LSAMP: variants seen among roughly 807,000 people sequenced by gnomAD.
LSAMP encodes limbic system associated membrane protein.
LSAMP carries 7 observed loss-of-function variants against 38.6 expected under a neutral mutation model. The ratio of observed to expected loss-of-function variants is 0.18; its 90% CI spans 0.10 to 0.34. The LOEUF (loss-of-function observed/expected upper bound fraction) is 0.34, where lower values mean the gene tolerates loss of function less well. Among genes scored for constraint, LSAMP ranks in the 10% least tolerant of loss-of-function variants. The pLI, the probability that LSAMP is intolerant of heterozygous loss-of-function variation, is 1.00. For synonymous variants in LSAMP, 154 were observed against 166.8 expected, an observed-to-expected ratio of 0.92 and a Z score of 0.59; for missense variants, 313 against 420.0, an observed-to-expected ratio of 0.75 and a Z score of 2.23.
At chr3:116,103,138 G>T (rs991059079) in intron 1 of LSAMP, among the ~76,000 whole-genome samples, 3 of 151,960 alleles carry the variant, frequency 2.0e-5, no homozygotes, top group African/African-American at 7.3e-5. Context: ...ATTAATCATT[G>T]TATTCTGTCC....
intron 3 of LSAMP, among the ~76,000 whole-genome samples, chr3:115,869,835 A>G (rs1576168275): frequency 6.6e-6 from 1 of 152,094 alleles, no homozygotes; most frequent in East Asian, 1.9e-4. Flanking sequence ...AGACATTTAT[A>G]AGGATATGTA....
intron 3 of LSAMP, among the ~76,000 whole-genome samples, chr3:115,854,287 T>A (rs1322002772): frequency 0.012 from 1,248 of 103,028 alleles, 10 homozygotes; most frequent in African/African-American, 0.028. Flanking sequence ...TTATTATTTT[T>A]TTTTTTTTTT....
At chr3:116,294,574 C>T (rs1340694414) in intron 1 of LSAMP, among the ~76,000 whole-genome samples, 1 of 152,154 alleles carries the variant, frequency 6.6e-6, no homozygotes, top group Admixed American at 6.5e-5. Context: ...AAATACTATT[C>T]ATACAAATTT....
intron 1 of LSAMP, among the ~76,000 whole-genome samples, chr3:116,401,072 C>A (rs1356396824): frequency 1.3e-5 from 2 of 152,178 alleles, no homozygotes; most frequent in Non-Finnish European, 2.9e-5. Context: ...CCTAGGTAAA[C>A]CCTGGCCTCC....
At chr3:116,247,568 T>C (rs1416962057) in intron 1 of LSAMP, among the ~76,000 whole-genome samples, 3 of 152,114 alleles carry the variant, frequency 2.0e-5, no homozygotes, top group Admixed American at 1.3e-4. Context: ...TTTGAAGAAA[T>C]TGTGGGAACA....
At chr3:116,167,931 A>G (rs1216591194) in intron 1 of LSAMP, among the ~76,000 whole-genome samples, 1 of 152,196 alleles carries the variant, frequency 6.6e-6, no homozygotes, top group African/African-American at 2.4e-5. Context: ...CAGTGAGAGT[A>G]AAGTAGCAAG....
chr3:115,832,351 T>C (rs1227103142), intron 6 of LSAMP, among the ~76,000 whole-genome samples: 2 of 152,182 alleles, frequency 1.3e-5, no homozygotes, highest in Non-Finnish European at 2.9e-5. Context: ...AACCAATCTC[T>C]AAGAGACAAT....
intron 1 of LSAMP, among the ~76,000 whole-genome samples, chr3:116,173,110 G>A (rs983922869): frequency 2.6e-5 from 4 of 151,916 alleles, no homozygotes; most frequent in Admixed American, 1.3e-4. Flanking sequence ...TCTTCCTATG[G>A]TCAAAGTCCT....
intron 4 of LSAMP, among the ~76,000 whole-genome samples, chr3:115,847,154 C>T (rs909592008): frequency 6.6e-6 from 1 of 152,152 alleles, no homozygotes; most frequent in African/African-American, 2.4e-5. Flanking sequence ...GGTTTGAGTT[C>T]CAAGTCTACC....
intron 1 of LSAMP, among the ~76,000 whole-genome samples, chr3:116,228,679 T>C (rs918635295): frequency 2.0e-5 from 3 of 152,118 alleles, no homozygotes; most frequent in African/African-American, 7.2e-5. Context: ...TTATTAAATG[T>C]AAAAACAATT....
intron 1 of LSAMP, among the ~76,000 whole-genome samples, chr3:116,296,213 A>C (rs925440672): frequency 1.4e-4 from 21 of 152,226 alleles, no homozygotes; most frequent in African/African-American, 5.1e-4. Flanking sequence ...ATTGAACAGG[A>C]CAAAGCTGCT....
intron 3 of LSAMP, among the ~76,000 whole-genome samples, chr3:115,999,871 A>G (rs1339394090): frequency 6.6e-6 from 1 of 152,132 alleles, no homozygotes; most frequent in African/African-American, 2.4e-5. Flanking sequence ...CTGCAAGCAC[A>G]CAGCTTCTGC....
At chr3:115,942,795 T>G (rs1344393533) in intron 3 of LSAMP, among the ~76,000 whole-genome samples, 1 of 152,166 alleles carries the variant, frequency 6.6e-6, no homozygotes, top group Non-Finnish European at 1.5e-5. Context: ...AGACCACATT[T>G]GGGAAGCTGG....
intron 3 of LSAMP, among the ~76,000 whole-genome samples, chr3:115,983,391 T>G (rs1939419416): frequency 1.3e-5 from 2 of 152,008 alleles, no homozygotes; most frequent in Admixed American, 6.6e-5. Context: ...GGTATGGTGG[T>G]GCACACCTGT....
At chr3:116,343,856 T>C (rs917360414) in intron 1 of LSAMP, among the ~76,000 whole-genome samples, 1 of 152,078 alleles carries the variant, frequency 6.6e-6, no homozygotes, top group African/African-American at 2.4e-5. Context: ...GGTAACCATA[T>C]GATTTTTTTC....
At position 115,852,525 on chromosome 3, in the gene LSAMP, C is replaced by G; in HGVS notation, c.607G>C (p.Val203Leu). The change falls in exon 4 of 7, where the codon GTC (valine) becomes CTC (leucine). Residue 203 changes from valine (V) to leucine (L), a missense_variant. By Grantham distance (32) the Val-to-Leu change is conservative. Coordinates refer to ENST00000490035, the MANE Select transcript of LSAMP (RefSeq NM_002338.5). ...GKYECKAANEVSSADVKQVKV... is the reference protein window; with the variant it reads ...GKYECKAANELSSADVKQVKV... ...ACTTGTTTGACATCCGCCGAGGAGA[C>G]CTCGTTGGCAGCTTTGCACTCATAT... 1 of 1,613,754 alleles carries G rather than the reference C, an allele frequency of 6.2e-7. No individual in the cohort carries two copies. The highest frequency in any genetic ancestry group is 8.5e-7 in the Non-Finnish European group (1 of 1,179,838).
chr3:115,836,473 T>C (rs2107493555), intron 6 of LSAMP, among the ~76,000 whole-genome samples: 1 of 152,340 alleles, frequency 6.6e-6, no homozygotes, highest in Non-Finnish European at 1.5e-5. Flanking sequence ...GGCAGAACCC[T>C]TGGTGCTATG....
chr3:116,423,238 CAG>C (rs2107858729), intron 1 of LSAMP, among the ~76,000 whole-genome samples: 2 of 152,238 alleles, frequency 1.3e-5, no homozygotes, highest in African/African-American at 2.4e-5. Flanking sequence ...AAACTTGCAA[CAG>C]AAGGAAAATG....
At chr3:115,906,009 G>C (rs9853758) in intron 3 of LSAMP, among the ~76,000 whole-genome samples, 29,669 of 152,030 alleles carry the variant, frequency 0.2, 3,243 homozygotes, top group African/African-American at 0.29. Flanking sequence ...TGACTTTTGG[G>C]ATTCAGTCTG....
Sources: allele counts gnomAD v4.1 joint callset (sites outside exome capture counted in the v4.1 genomes callset), GRCh38; gene constraint gnomAD v4.1.1; transcripts MANE v1.5; gene names NCBI Gene and HGNC (gene_info 2026-07-23, HGNC 2026-07-21).